TMEM232: variants seen among roughly 807,000 people sequenced by gnomAD.
TMEM232 encodes the protein transmembrane protein 232.
TMEM232 carries 80 observed loss-of-function variants against 78.8 expected under a neutral mutation model. The ratio of observed to expected loss-of-function variants is 1.01; its 90% CI spans 0.85 to 1.22. TMEM232 has a LOEUF of 1.22. TMEM232 is among the 50% of genes most tolerant of loss of function. The pLI is 0.00. For synonymous variants in TMEM232, 297 were observed against 254.3 expected (o/e 1.17, Z -1.60); for missense variants, 881 against 742.2 (o/e 1.19, Z -2.17).
intron 1 of TMEM232, among the ~76,000 whole-genome samples, chr5:110,672,026 ACAGG>A (rs2150147810): frequency 6.6e-6 from 1 of 152,314 alleles, no homozygotes; most frequent in Admixed American, 6.5e-5. Flanking sequence ...AGAAAAAAAT[ACAGG>A]CCATCCAGAA....
At chr5:110,566,258 AG>A (rs1457723184) in intron 11 of TMEM232, among the ~76,000 whole-genome samples, 1 of 151,882 alleles carries the variant, frequency 6.6e-6, no homozygotes, top group Non-Finnish European at 1.5e-5. Flanking sequence ...CAGAGCTCCT[AG>A]GCCTCCAAGA....
chr5:110,645,986 C>T (rs1787425951), intron 2 of TMEM232, among the ~76,000 whole-genome samples: 1 of 151,188 alleles, frequency 6.6e-6, no homozygotes, highest in South Asian at 2.1e-4. Context: ...TAATAAAATA[C>T]TAAGGAGTAA....
chr5:110,727,203 C>G (rs912193049), upstream of TMEM232, among the ~76,000 whole-genome samples: 2 of 152,122 alleles, frequency 1.3e-5, no homozygotes, highest in African/African-American at 4.8e-5. Flanking sequence ...AATATAAGTC[C>G]TTTAAAAATC....
In TMEM232 at chr5:110,648,269, T is replaced by C. The variant is rs548449306; in HGVS notation, c.126-5898A>G. On this transcript the variant is annotated intron_variant, in intron 2 of 13. Transcript: ENST00000455884. ...CCAATACCAGAAATTGAAGAGAATA[T>C]GGAGTAATAGAAATTCTCACAAACT... 1.9e-3 allele frequency among the ~76,000 whole-genome samples: 296 copies of C among 152,136 alleles called. 1 individual carries two copies. Among genetic ancestry groups the C allele is most frequent in the African/African-American group, 6.8e-3 (281 of 41,534 alleles).
intron 1 of TMEM232, among the ~76,000 whole-genome samples, chr5:110,706,860 A>G (rs1201667224): frequency 6.6e-6 from 1 of 152,188 alleles, no homozygotes; most frequent in East Asian, 1.9e-4. Flanking sequence ...ATTCTCATTG[A>G]CATAGCAGAG....
rs537003746 is a variant in TMEM232, at chr5:110,724,960, A to G, written c.-13+1667T>C. Among the ~76,000 whole-genome samples, 28 of 152,296 alleles carry G rather than the reference A, an allele frequency of 1.8e-4. No homozygotes were observed. In the South Asian group the frequency reaches 5.6e-3, roughly 30 times the overall value. On this transcript the variant is annotated intron_variant, in intron 1 of 13. Transcript: ENST00000455884. The stretch of plus-strand genomic sequence containing the variant: ...TTATATTACTGTTGAAAACGCAATG[A>G]AAGTAATAGGAATAAAATAATTTAC...
Position 110,625,345 on chromosome 5 carries a change from A to G in TMEM232, c.690T>C (p.Gly230=). The G allele has an allele frequency of 6.5e-7, 1 of 1,548,114 alleles. No homozygotes were observed. Among genetic ancestry groups the G allele is most frequent in the Non-Finnish European group, 8.7e-7 (1 of 1,144,886 alleles). ...TGGATTCAGAACGGAGTTCTCTTTT[A>G]CCTATAATTTCCGAGGCTTTCAGGA... is the stretch of plus-strand genomic sequence containing the variant. ...QFILKASEII[G]KRELRSESIF... The change falls in exon 7 of 14, where the codon GGT becomes GGC. Residue 230 remains glycine (G), a synonymous_variant. Coordinates refer to ENST00000455884, the MANE Select transcript of TMEM232 (RefSeq NM_001039763.4).
At chr5:110,400,287 GAC>G (rs1218450525) in intron 2 of TMEM232, among the ~76,000 whole-genome samples, 5 of 152,046 alleles carry the variant, frequency 3.3e-5, no homozygotes, top group African/African-American at 1.2e-4. Flanking sequence ...TTCTTCATAT[GAC>G]AGTTTTCTCA....
intron 12 of TMEM232, among the ~76,000 whole-genome samples, chr5:110,498,462 T>C (rs1467335218): frequency 6.6e-6 from 1 of 152,174 alleles, no homozygotes; most frequent in Non-Finnish European, 1.5e-5. Flanking sequence ...CCAATTCTAG[T>C]ACCAAGAATG....
chr5:110,528,210 T>C (rs573796837), intron 12 of TMEM232, among the ~76,000 whole-genome samples: 3 of 152,092 alleles, frequency 2.0e-5, no homozygotes, highest in Admixed American at 6.6e-5. Context: ...GAAGTCTTAC[T>C]ATGTTCAAGA....
chr5:110,463,282 AGAT>A (rs1461732361), intron 12 of TMEM232, among the ~76,000 whole-genome samples: 1 of 152,248 alleles, frequency 6.6e-6, no homozygotes, highest in Non-Finnish European at 1.5e-5. Flanking sequence ...CTGAAAGCTC[AGAT>A]GATTGTTAGC....
chr5:110,590,888 A>G (rs1286456429), intron 10 of TMEM232, among the ~76,000 whole-genome samples: 1 of 152,110 alleles, frequency 6.6e-6, no homozygotes, highest in Non-Finnish European at 1.5e-5. Context: ...AAACACATAT[A>G]AAACCATCAG....
At chr5:110,477,490 ATGTTT>A (rs1404357956) in intron 12 of TMEM232, among the ~76,000 whole-genome samples, 1 of 151,908 alleles carries the variant, frequency 6.6e-6, no homozygotes, top group African/African-American at 2.4e-5. Context: ...TGTAATTATT[ATGTTT>A]TATCTGTCAG....
chr5:110,517,540 CCT>C (rs1768857228), intron 12 of TMEM232, among the ~76,000 whole-genome samples: 1 of 152,206 alleles, frequency 6.6e-6, no homozygotes, highest in South Asian at 2.1e-4. Context: ...ATTCCACTCA[CCT>C]CTGTTTTACC....
At chr5:110,677,150 G>C (rs140892501) in intron 1 of TMEM232, among the ~76,000 whole-genome samples, 1 of 152,120 alleles carries the variant, frequency 6.6e-6, no homozygotes, top group South Asian at 2.1e-4. Context: ...TAGTGATGCA[G>C]AGCATCTTTT....
intron 12 of TMEM232, among the ~76,000 whole-genome samples, chr5:110,439,961 G>A (rs1458411112): frequency 6.6e-6 from 1 of 152,110 alleles, no homozygotes; most frequent in African/African-American, 2.4e-5. Context: ...ATTAATCTGT[G>A]TGGTTATCAC....
chr5:110,677,153 C>T (rs1172501002), intron 1 of TMEM232, among the ~76,000 whole-genome samples: 2 of 152,066 alleles, frequency 1.3e-5, no homozygotes, highest in Admixed American at 6.6e-5. Context: ...TGATGCAGAG[C>T]ATCTTTTCAT....
intron 1 of TMEM232, among the ~76,000 whole-genome samples, chr5:110,715,250 T>A (rs1287520048): frequency 6.6e-6 from 1 of 151,708 alleles, no homozygotes; most frequent in East Asian, 1.9e-4. Flanking sequence ...AGCGAAGGAA[T>A]CAATAGAGAT....
intron 12 of TMEM232, among the ~76,000 whole-genome samples, chr5:110,497,483 A>G (rs1765764287): frequency 1.3e-5 from 2 of 152,116 alleles, no homozygotes; most frequent in South Asian, 4.1e-4. Context: ...AAACAAACAA[A>G]CAAATAAAGA....
Sources: gnomAD v4.1 joint callset for allele counts (sites outside exome capture counted in the v4.1 genomes callset) on GRCh38, gnomAD v4.1.1 for gene constraint, MANE v1.5 for transcripts, NCBI Gene and HGNC (gene_info 2026-07-23, HGNC 2026-07-21) for gene names.